Variants in SNAPC4 observed in about 807,000 individuals in gnomAD.
SNAPC4 encodes small nuclear RNA activating complex polypeptide 4.
In SNAPC4, 127 loss-of-function variants were observed where a neutral mutation model predicts 151.3. That is an observed-to-expected ratio of 0.84 (90% CI 0.73 to 0.97). The LOEUF is 0.97. Ranked by LOEUF, SNAPC4 falls within the 50% of genes least tolerant of loss-of-function variation. The pLI, the probability that SNAPC4 is intolerant of heterozygous loss-of-function variation, is 0.00. For missense variants in SNAPC4, 2,186 were observed against 1,935.0 expected, an observed-to-expected ratio of 1.13 and a Z score of -2.43; for synonymous variants, 1,002 against 824.4, an observed-to-expected ratio of 1.22 and a Z score of -3.69.
intron 2 of SNAPC4, among the ~76,000 whole-genome samples, chr9:136,397,548 G>A (rs942497589): frequency 4.8e-5 from 7 of 145,178 alleles, no homozygotes; most frequent in African/African-American, 1.8e-4. Flanking sequence ...CATGTGGGGA[G>A]GGGAGCATGT....
chr9:136,386,371 G>GATGGC (rs749043156), intron 13 of SNAPC4, among the ~76,000 whole-genome samples: 56 of 151,814 alleles, frequency 3.7e-4, no homozygotes, highest in Admixed American at 1.8e-3. Context: ...TGATTGTGGT[G>GATGGC]ATGGCTGCAC....
chr9:136,377,826 C>T lies in SNAPC4; in HGVS notation c.4001G>A (p.Gly1334Glu). ...LEHKATSLVV[G>E]GEAERPAGAL... ...TCCGGCCGGCCGCTCAGCCTCGCCC[C>T]CCACCACCAGGGAGGTGGCCTTGTG... Residue 1334 changes from glycine to glutamate, a missense_variant, in exon 22 of 24, where the codon GGG becomes GAG. By Grantham distance (98) the Gly-to-Glu change is moderately conservative. Transcript: ENST00000684778. 2 of 1,611,546 alleles carry T rather than the reference C, an allele frequency of 1.2e-6. No individual in the cohort carries two copies. Among genetic ancestry groups the T allele is most frequent in the Non-Finnish European group, 8.5e-7 (1 of 1,179,776 alleles).
chr9:136,382,386 TG>T (rs1156438246), intron 16 of SNAPC4, 50 bp from the exon 17 acceptor site: 3 of 1,510,328 alleles, frequency 2.0e-6, no homozygotes, highest in African/African-American at 1.4e-5. Context: ...ACGGGACACA[TG>T]GGGGCCCTCC....
At chr9:136,391,672 G>A (rs1486530092) in intron 10 of SNAPC4, among the ~76,000 whole-genome samples, 3 of 152,222 alleles carry the variant, frequency 2.0e-5, no homozygotes, top group African/African-American at 7.2e-5. Flanking sequence ...CTAGAAATAA[G>A]AAAGGAGACA....
At position 136,398,329 on chromosome 9, in the gene SNAPC4, C is replaced by G; in HGVS notation, c.100G>C (p.Glu34Gln). 3 of 1,613,780 alleles carry G rather than the reference C, an allele frequency of 1.9e-6. No homozygotes were observed. The highest frequency in any genetic ancestry group is 1.7e-4 in the Middle Eastern group (1 of 6,058). Reference sequence around the variant, plus strand: ...TCAGAATCTGACTCGAGACTTGATTCTGAGATCTCCACGTGGGAGCCCGAG... The same window carrying G: ...TCAGAATCTGACTCGAGACTTGATTGTGAGATCTCCACGTGGGAGCCCGAG... The part of the protein sequence containing the change: ...GSSGSHVEIS[E>Q]SSLESDSEAD... The change falls in exon 2 of 24, where the codon GAA becomes CAA. Residue 34 changes from glutamate to glutamine, a missense_variant. Glu to Gln is a conservative substitution (Grantham distance 29). Coordinates refer to ENST00000684778, the MANE Select transcript of SNAPC4 (RefSeq NM_003086.4).
intron 3 of SNAPC4, among the ~76,000 whole-genome samples, chr9:136,396,630 C>T (rs191988658): frequency 3.3e-5 from 5 of 152,260 alleles, no homozygotes; most frequent in Admixed American, 1.3e-4. Flanking sequence ...TAAACGTCCC[C>T]GCTGCCCCAC....
At chr9:136,384,692 C>G in intron 14 of SNAPC4, 28 bp downstream of exon 14, 1 of 1,144,794 alleles carries the variant, frequency 8.7e-7, no homozygotes, top group South Asian at 1.3e-5. Flanking sequence ...AAAAAAGAAA[C>G]TAGAAGAACA....
At position 136,395,693 on chromosome 9, in the gene SNAPC4, G is replaced by C. The variant is rs759499323; in HGVS notation, c.255C>G (p.Thr85=). Residue 85 remains threonine, a synonymous_variant, in exon 4 of 24, where the codon ACC becomes ACG. Coordinates refer to ENST00000684778, the MANE Select transcript of SNAPC4 (RefSeq NM_003086.4). The part of the protein sequence containing the change: ...KDKTLPEDPE[T]CLQLNMVYQE... ...GGTAGACCATGTTCAGCTGCAGGCA[G>C]GTTTCTGGGTCTTCAGGGAGGGTTT... 6.2e-7 allele frequency: 1 copy of C among 1,613,378 alleles called. No individual in the cohort carries two copies. The highest frequency in any genetic ancestry group is 1.7e-5 in the Admixed American group (1 of 60,012).
In SNAPC4 at chr9:136,392,783, A is replaced by AAGCAG. The variant is rs1834126659; in HGVS notation, c.633-11_633-7dup. On this transcript the variant is annotated splice_polypyrimidine_tract_variant and splice_region_variant and intron_variant, in intron 7 of 23. Coordinates refer to ENST00000684778, the MANE Select transcript of SNAPC4 (RefSeq NM_003086.4). ...TCTGGTGCAAGTACTCGAGCCTGCA[A>AAGCAG]AGCAGAGCAGAGGCAGAAGGGCTGG... 6.2e-7 allele frequency: 1 copy of AAGCAG among 1,612,836 alleles called. No homozygotes were observed. Among genetic ancestry groups the AAGCAG allele is most frequent in the Non-Finnish European group, 8.5e-7 (1 of 1,179,670 alleles).
At chr9:136,387,635 C>T in intron 12 of SNAPC4, 56 bp from the exon 13 acceptor site, 1 of 1,453,586 alleles carries the variant, frequency 6.9e-7, no homozygotes, top group Non-Finnish European at 9.7e-7. Flanking sequence ...CTGCAGCCTC[C>T]CCACCCTGAA....
chr9:136,390,361 C>T (rs745486008), intron 10 of SNAPC4, among the ~76,000 whole-genome samples: 48 of 152,022 alleles, frequency 3.2e-4, no homozygotes, highest in Admixed American at 5.2e-4. Flanking sequence ...TGAGACCATC[C>T]TGGCTAACAC....
Position 136,398,440 on chromosome 9 carries a change from G to C in SNAPC4, c.-9-3C>G. 1 of 1,610,450 alleles carries C rather than the reference G, an allele frequency of 6.2e-7. No homozygotes were observed. Among genetic ancestry groups the C allele is most frequent in the Non-Finnish European group, 8.5e-7 (1 of 1,177,148 alleles). ...GCATCTACATCCATGACTCCCGCCT[G>C]CCTCCAAAACACACCCCGAGATGTT... On this transcript the variant is annotated splice_region_variant and splice_polypyrimidine_tract_variant and intron_variant, in intron 1 of 23. Coordinates refer to ENST00000684778, the MANE Select transcript of SNAPC4 (RefSeq NM_003086.4).
At chr9:136,384,928 AG>A (rs1220099152) in intron 13 of SNAPC4, 114 bp from the exon 14 acceptor site, 2 of 566,956 alleles carry the variant, frequency 3.5e-6, no homozygotes, top group Admixed American at 3.5e-5. Flanking sequence ...AAGCAACAAA[AG>A]AAAACTACAG....
intron 2 of SNAPC4, among the ~76,000 whole-genome samples, chr9:136,397,462 T>TGG (rs142627523): frequency 7.0e-5 from 10 of 143,450 alleles, no homozygotes; most frequent in East Asian, 4.1e-4. Context: ...GAAGCAAGGC[T>TGG]GGGGGGGTCT....
rs58732608 is a variant in SNAPC4, at chr9:136,390,554, G to GAAA, written c.975+1385_975+1387dup. ...TGGGCGACAGAGTGAGACTCTGTTTGAAAAAAAAAAAAAAAAAAAAAAAAG... is the reference window on the plus strand; with the variant it reads ...TGGGCGACAGAGTGAGACTCTGTTTGAAAAAAAAAAAAAAAAAAAAAAAAAAAG... On this transcript the variant is annotated intron_variant, in intron 10 of 23. Transcript: ENST00000684778. Among the ~76,000 whole-genome samples, 42 of 48,802 alleles carry GAAA rather than the reference G, an allele frequency of 8.6e-4. 2 individuals carry two copies. Among genetic ancestry groups the GAAA allele is most frequent in the African/African-American group, 2.5e-3 (29 of 11,448 alleles). The allele number at this position is 48,802 out of a possible 152,430, so 32.0% of individuals were successfully genotyped here. A position where few individuals can be genotyped will look rare whatever the true frequency, so the allele number is the denominator to read the frequency against.
At chr9:136,394,189 C>G (rs776138762) in intron 7 of SNAPC4, 60 bp downstream of exon 7, 11 of 1,363,856 alleles carry the variant, frequency 8.1e-6, no homozygotes, top group Non-Finnish European at 1.2e-5. Context: ...TGCTGGGATT[C>G]CAGGCATGAG....
At position 136,378,921 on chromosome 9, in the gene SNAPC4, C is replaced by T. The variant is rs1219801090; in HGVS notation, c.2906G>A (p.Trp969Ter). The change falls in exon 22 of 24, where the codon TGG becomes TAG. Residue 969 changes from tryptophan (W) to a stop codon, truncating the protein, a stop_gained. Transcript: ENST00000684778. LOFTEE classifies it high-confidence loss of function. ...CTTGGCTGAAGTCCCAGCCTCCTGCCAGGAGCCAGAAGTGCCAGGTTTGGC... is the reference window on the plus strand; with the variant it reads ...CTTGGCTGAAGTCCCAGCCTCCTGCTAGGAGCCAGAAGTGCCAGGTTTGGC... ...AAAKPGTSGS[W>*]QEAGTSAKDK... is the part of the protein sequence containing the mutation. The T allele has an allele frequency of 6.2e-7, 1 of 1,610,886 alleles. No homozygotes were observed. Among genetic ancestry groups the T allele is most frequent in the East Asian group, 2.2e-5 (1 of 44,844 alleles).
intron 20 of SNAPC4, 86 bp downstream of exon 20, chr9:136,380,654 G>A (rs1833653886): frequency 1.4e-6 from 1 of 734,842 alleles, no homozygotes; most frequent in African/African-American, 1.7e-5. Flanking sequence ...GAGCGGGTGG[G>A]GCGGGCAGCC....
chr9:136,395,896 G>A, intron 3 of SNAPC4, 126 bp from the exon 4 acceptor site: 1 of 935,496 alleles, frequency 1.1e-6, no homozygotes, highest in Non-Finnish European at 1.6e-6. Flanking sequence ...AACACCCAAT[G>A]TGGAAGCAGG....
Sources: gnomAD v4.1 joint callset for allele counts (sites outside exome capture counted in the v4.1 genomes callset) on GRCh38, gnomAD v4.1.1 for gene constraint, MANE v1.5 for transcripts, NCBI Gene and HGNC (gene_info 2026-07-23, HGNC 2026-07-21) for gene names.